The following PRKAG2 variants were observed in gnomAD, a reference collection of about 807,000 sequenced individuals.
PRKAG2 encodes the protein 5'-AMP-activated protein kinase subunit gamma-2.
In PRKAG2, 26 loss-of-function variants were observed where a neutral mutation model predicts 69.6. The observed-to-expected ratio is 0.37, with a 90% CI of 0.27 to 0.52. The LOEUF is 0.52. PRKAG2 is among the 20% of genes least tolerant of loss of function. The pLI is 0.90. For missense variants in PRKAG2, 557 were observed against 740.0 expected (o/e 0.75, Z 2.87); for synonymous variants, 293 against 285.0 (o/e 1.03, Z -0.28).
intron 4 of PRKAG2, among the ~76,000 whole-genome samples, chr7:151,634,298 C>T (rs999614243): frequency 3.3e-5 from 5 of 152,092 alleles, no homozygotes; most frequent in Admixed American, 6.5e-5. Context: ...AAAACAAACC[C>T]CAACCTAAGC....
At chr7:151,595,200 A>G (rs1409068146) in intron 6 of PRKAG2, 145 bp downstream of exon 6, 2 of 649,210 alleles carry the variant, frequency 3.1e-6, no homozygotes, top group Admixed American at 5.1e-5. Flanking sequence ...CAAGATGTTG[A>G]GAATTCAGAT....
At position 151,835,365 on chromosome 7, in the gene PRKAG2, T is replaced by C. The variant is rs2079124069; in HGVS notation, c.114+41142A>G. On this transcript the variant is annotated intron_variant, in intron 1 of 15. Transcript: ENST00000287878. The surrounding 1 kb of genome is among the most constrained non-coding windows in gnomAD (Gnocchi z 4.1). ...TTTATTTTTTATTATTTTTATTATT[T>C]TTAATTTTTTGTAGAGACGGGTCTC... 6.6e-6 allele frequency among the ~76,000 whole-genome samples: 1 copy of C among 152,124 alleles called. No homozygotes were observed. Among genetic ancestry groups the C allele is most frequent in the Non-Finnish European group, 1.5e-5 (1 of 68,016 alleles).
intron 4 of PRKAG2, among the ~76,000 whole-genome samples, chr7:151,653,739 G>A (rs1330504075): frequency 6.6e-6 from 1 of 152,194 alleles, no homozygotes; most frequent in Non-Finnish European, 1.5e-5. Context: ...CTACTTGGGA[G>A]GCTGAGGCAG....
intron 3 of PRKAG2, among the ~76,000 whole-genome samples, chr7:151,722,283 G>C (rs144484347): frequency 6.6e-6 from 1 of 152,112 alleles, no homozygotes; most frequent in African/African-American, 2.4e-5. Context: ...TCCTCCTGAC[G>C]AGCTATGTTC....
chr7:151,830,100 C>G (rs73160032), intron 1 of PRKAG2, among the ~76,000 whole-genome samples: 1 of 148,946 alleles, frequency 6.7e-6, no homozygotes, highest in Admixed American at 6.7e-5. Context: ...GTTCCAATGT[C>G]GAGGACTGTT....
chr7:151,865,928 G>A (rs1057502208), intron 1 of PRKAG2, among the ~76,000 whole-genome samples: 5 of 151,398 alleles, frequency 3.3e-5, no homozygotes, highest in East Asian at 1.9e-4. Context: ...GCTGAGGCAG[G>A]AGAATGGTGT....
intron 1 of PRKAG2, among the ~76,000 whole-genome samples, chr7:151,839,072 T>C (rs1047321978): frequency 6.6e-6 from 1 of 150,840 alleles, no homozygotes; most frequent in African/African-American, 2.4e-5. Context: ...CTCTGCAGAC[T>C]GGCAGCTGCC....
chr7:151,857,182 G>A lies in PRKAG2; in HGVS notation c.114+19325C>T, dbSNP rs59612273. On this transcript the variant is annotated intron_variant, in intron 1 of 15. Coordinates refer to ENST00000287878, the MANE Select transcript of PRKAG2 (RefSeq NM_016203.4). ...AGTATAAGGGATGGGCACAGAACGC[G>A]CAGCATCCTGCGGAAGACGGTGTGG... 5.8e-3 allele frequency among the ~76,000 whole-genome samples: 862 copies of A among 149,736 alleles called. 8 individuals carry two copies. The highest frequency in any genetic ancestry group is 0.02 in the African/African-American group (822 of 40,830).
At position 151,814,491 on chromosome 7, in the gene PRKAG2, C is replaced by T. The variant is rs1563722142; in HGVS notation, c.115-27950G>A. 4.1e-6 allele frequency: 5 copies of T among 1,230,756 alleles called. No individual in the cohort carries two copies. Among genetic ancestry groups the T allele is most frequent in the Non-Finnish European group, 5.1e-6 (5 of 987,862 alleles). 76.2% of individuals were successfully genotyped at this position (1,230,756 alleles called of 1,614,324 possible). A position where few individuals can be genotyped will look rare whatever the true frequency, so the allele number is the denominator to read the frequency against. ...TGCAGGCTTGTAAGCTGCTGGATGG[C>T]AGGATGCGAGTGACGGGGACGGGCG... On this transcript the variant is annotated intron_variant, in intron 1 of 15. Coordinates refer to ENST00000287878, the MANE Select transcript of PRKAG2 (RefSeq NM_016203.4). This position sits in a 1 kb window ranked among gnomAD's most constrained non-coding sequence, Gnocchi z 4.8.
rs965567370 is a variant in PRKAG2, at chr7:151,780,829, G to A, written c.466+323C>T. Among the ~76,000 whole-genome samples the A allele has an allele frequency of 1.3e-5, 2 of 152,220 alleles. No homozygotes were observed. The highest frequency in any genetic ancestry group is 4.8e-5 in the African/African-American group (2 of 41,450). On this transcript the variant is annotated intron_variant, in intron 3 of 15. Transcript: ENST00000287878. This position sits in a 1 kb window ranked among gnomAD's most constrained non-coding sequence, Gnocchi z 4.2. ...TCCATGCCTGCAGTTTCCAGAGAAG[G>A]CTGGAGGCAAGTGTGTCATCTGATT...
At chr7:151,671,128 C>T (rs1403189161) in intron 4 of PRKAG2, among the ~76,000 whole-genome samples, 8 of 127,756 alleles carry the variant, frequency 6.3e-5, no homozygotes, top group Admixed American at 9.8e-5. Context: ...GAGCTGAGAT[C>T]GCGGCAAGGC....
intron 5 of PRKAG2, among the ~76,000 whole-genome samples, chr7:151,621,581 G>A (rs1821500462): frequency 6.6e-6 from 1 of 152,046 alleles, no homozygotes; most frequent in African/African-American, 2.4e-5. Flanking sequence ...ACATTCACAG[G>A]TTCGCCAATT....
intron 3 of PRKAG2, among the ~76,000 whole-genome samples, chr7:151,748,617 T>C (rs1336624622): frequency 1.3e-5 from 2 of 152,198 alleles, no homozygotes; most frequent in South Asian, 2.1e-4. Context: ...TGTTTGGTTT[T>C]TTTAACCATG....
intron 1 of PRKAG2, among the ~76,000 whole-genome samples, chr7:151,789,131 AG>A (rs1231795276): frequency 1.3e-5 from 2 of 152,146 alleles, no homozygotes; most frequent in Non-Finnish European, 2.9e-5. Context: ...TTCCCTATTT[AG>A]GGTCCCTTAA....
chr7:151,723,927 G>A (rs373702390), intron 3 of PRKAG2, among the ~76,000 whole-genome samples: 5 of 152,310 alleles, frequency 3.3e-5, no homozygotes, highest in African/African-American at 1.2e-4. Context: ...CATCTTGGGA[G>A]CAAATCCTCC....
Position 151,710,796 on chromosome 7 carries a change from A to G in PRKAG2, c.467-35159T>C, listed in dbSNP as rs528404975. ...TTGCCCCTACAAGCAAATAGGCTCC[A>G]CGAAGCCAGGGACTTTGTTCTCTGT... On this transcript the variant is annotated intron_variant, in intron 3 of 15. Coordinates refer to ENST00000287878, the MANE Select transcript of PRKAG2 (RefSeq NM_016203.4). 4.6e-5 allele frequency among the ~76,000 whole-genome samples: 7 copies of G among 152,346 alleles called. No individual in the cohort carries two copies. In the South Asian group the frequency reaches 8.3e-4, roughly 18 times the overall value.
chr7:151,596,285 C>G (rs929544087), intron 5 of PRKAG2, among the ~76,000 whole-genome samples: 1 of 152,100 alleles, frequency 6.6e-6, no homozygotes, highest in African/African-American at 2.4e-5. Flanking sequence ...AAGATATAAA[C>G]TCAACATAAA....
At chr7:151,749,456 T>C (rs140819817) in intron 3 of PRKAG2, among the ~76,000 whole-genome samples, 52 of 152,322 alleles carry the variant, frequency 3.4e-4, no homozygotes, top group African/African-American at 1.2e-3. Flanking sequence ...GAAGGTGACG[T>C]TGGTCATCAA....
intron 3 of PRKAG2, among the ~76,000 whole-genome samples, chr7:151,685,059 G>A (rs1031778052): frequency 6.6e-6 from 1 of 152,160 alleles, no homozygotes; most frequent in African/African-American, 2.4e-5. Flanking sequence ...GCAGGCTGCT[G>A]TTTCATTTGC....
Sources: gnomAD v4.1 joint callset for allele counts (sites outside exome capture counted in the v4.1 genomes callset) on GRCh38, gnomAD v4.1.1 for gene constraint, Gnocchi (gnomAD v3.1) non-coding constraint, MANE v1.5 for transcripts, NCBI Gene and HGNC (gene_info 2026-07-23, HGNC 2026-07-21) for gene names.